PDHX: variants seen among roughly 807,000 people sequenced by gnomAD.
The protein encoded by PDHX is pyruvate dehydrogenase protein X component, mitochondrial.
Under a neutral mutation model 55.3 loss-of-function variants are expected in PDHX, and 33 were observed. That is an observed-to-expected ratio of 0.60 (90% CI 0.45 to 0.80). PDHX has a LOEUF of 0.80. PDHX is among the 30% of genes least tolerant of loss of function. PDHX has a pLI of 0.00. For synonymous variants in PDHX, 226 were observed against 219.4 expected, an observed-to-expected ratio of 1.03 and a Z score of -0.27; for missense variants, 622 against 619.9, an observed-to-expected ratio of 1.00 and a Z score of -0.04.
chr11:34,918,944 C>T (rs777408830), intron 1 of PDHX, among the ~76,000 whole-genome samples: 1 of 152,206 alleles, frequency 6.6e-6, no homozygotes, highest in African/African-American at 2.4e-5. Context: ...TACAAGGACC[C>T]TTGTGATTAC....
intron 4 of PDHX, among the ~76,000 whole-genome samples, chr11:34,959,748 A>G (rs1223412274): frequency 1.3e-5 from 2 of 152,158 alleles, no homozygotes; most frequent in East Asian, 3.8e-4. Flanking sequence ...ATTCTGATAA[A>G]TGCTGCATGG....
chr11:34,968,661 A>G (rs1422722723), intron 6 of PDHX, among the ~76,000 whole-genome samples: 2 of 152,234 alleles, frequency 1.3e-5, no homozygotes, highest in African/African-American at 4.8e-5. Flanking sequence ...CCAAATAGAA[A>G]TAATTGAATT....
intron 3 of PDHX, among the ~76,000 whole-genome samples, chr11:34,948,041 A>G (rs1447303963): frequency 3.9e-5 from 6 of 152,204 alleles, no homozygotes; most frequent in South Asian, 2.1e-4. Flanking sequence ...TTCATGTTAT[A>G]TCTAAAAAGT....
chr11:34,991,025 T>C (rs1215092503), intron 9 of PDHX, among the ~76,000 whole-genome samples: 1 of 152,186 alleles, frequency 6.6e-6, no homozygotes, highest in Non-Finnish European at 1.5e-5. Flanking sequence ...ATTTTTTATA[T>C]ATGATGACTC....
intron 7 of PDHX, among the ~76,000 whole-genome samples, chr11:34,972,402 T>C (rs1057248850): frequency 5.9e-5 from 9 of 151,930 alleles, no homozygotes; most frequent in Admixed American, 5.2e-4. Flanking sequence ...TTGATTTTTT[T>C]TTTTTTTCTT....
In PDHX at chr11:34,995,372, T is replaced by C. The variant is rs16926653; in HGVS notation, c.*200T>C. On this transcript the variant is annotated 3_prime_UTR_variant, in exon 11 of 11. Coordinates refer to ENST00000227868, the MANE Select transcript of PDHX (RefSeq NM_003477.3). ...TATAGAAATAAATGATGATAAACTC[T>C]AACTAATAAAGGAAAGAGAATATTT... The C allele has an allele frequency of 0.018, 10,016 of 561,774 alleles. 711 individuals are homozygous for C. The highest frequency in any genetic ancestry group is 0.16 in the African/African-American group (8,609 of 53,142). The allele number at this position is 561,774 out of a possible 1,614,324, so 34.8% of individuals were successfully genotyped here.
chr11:34,979,599 C>T (rs1043446943), intron 8 of PDHX, among the ~76,000 whole-genome samples: 1 of 152,062 alleles, frequency 6.6e-6, no homozygotes, highest in Non-Finnish European at 1.5e-5. Flanking sequence ...AAAAAGCATG[C>T]CCTTTCAGCA....
In PDHX at chr11:34,980,348, G is replaced by GTTTTTTTTTTTT. The variant is rs1319243948; in HGVS notation, c.1023+2169_1023+2170insTTTTTTTTTTTT. 3.2e-3 allele frequency among the ~76,000 whole-genome samples: 97 copies of GTTTTTTTTTTTT among 30,354 alleles called. 1 individual carries two copies. The highest frequency in any genetic ancestry group is 4.0e-3 in the Non-Finnish European group (54 of 13,388). 19.9% of individuals were successfully genotyped at this position (30,354 alleles called of 152,430 possible). A position where few individuals can be genotyped will look rare whatever the true frequency, so the allele number is the denominator to read the frequency against. Reference sequence around the variant, plus strand: ...ATTTTTTTTAATAAGGTTTAAGATAGTTTCTTTTTTTTTTTTTTGAGCAGC... The same window carrying GTTTTTTTTTTTT: ...ATTTTTTTTAATAAGGTTTAAGATAGTTTTTTTTTTTTTTTCTTTTTTTTTTTTTTGAGCAGC... On this transcript the variant is annotated intron_variant, in intron 8 of 10. Coordinates refer to ENST00000227868, the MANE Select transcript of PDHX (RefSeq NM_003477.3).
chr11:34,957,677 T>A (rs1392425241), intron 4 of PDHX, 94 bp downstream of exon 4: 5 of 999,204 alleles, frequency 5.0e-6, no homozygotes, highest in Non-Finnish European at 6.2e-6. Context: ...CACATCGTTG[T>A]ACATCACGTA....
intron 3 of PDHX, among the ~76,000 whole-genome samples, chr11:34,951,566 G>A (rs1264639108): frequency 6.6e-6 from 1 of 152,002 alleles, no homozygotes; most frequent in African/African-American, 2.4e-5. Context: ...TTGTAAATTT[G>A]TTTGAGTTCA....
In PDHX at chr11:34,943,154, C is replaced by T. The variant is rs551103160; in HGVS notation, c.242-4352C>T. Among the ~76,000 whole-genome samples, 990 of 152,108 alleles carry T rather than the reference C, an allele frequency of 6.5e-3. 8 individuals carry two copies. Among genetic ancestry groups the T allele is most frequent in the African/African-American group, 0.023 (944 of 41,486 alleles). On this transcript the variant is annotated intron_variant, in intron 2 of 10. Coordinates refer to ENST00000227868, the MANE Select transcript of PDHX (RefSeq NM_003477.3). ...ATGGGAATATAAAACATTTAAGTGT[C>T]CTGTCCGTATTGTGAAGAAGCTCAT... is the stretch of plus-strand genomic sequence containing the variant.
In PDHX at chr11:34,931,462, T is replaced by C; in HGVS notation, c.219T>C (p.Ile73=). The change falls in exon 2 of 11, where the codon ATT becomes ATC. Residue 73 remains isoleucine (I), a synonymous_variant. Coordinates refer to ENST00000227868, the MANE Select transcript of PDHX (RefSeq NM_003477.3). ...SLSPTMEEGN[I]VKWLKKEGEA... is the part of the protein sequence containing the mutation. ...CTCCTACAATGGAAGAAGGAAACATTGTGAAATGGCTGAAAAAGGAAGGTG... is the reference window on the plus strand; with the variant it reads ...CTCCTACAATGGAAGAAGGAAACATCGTGAAATGGCTGAAAAAGGAAGGTG... 6.2e-7 allele frequency: 1 copy of C among 1,602,684 alleles called. No individual in the cohort carries two copies. Among genetic ancestry groups the C allele is most frequent in the Non-Finnish European group, 8.5e-7 (1 of 1,170,272 alleles).
intron 5 of PDHX, among the ~76,000 whole-genome samples, chr11:34,966,404 A>G (rs568935736): frequency 1.3e-5 from 2 of 152,370 alleles, no homozygotes; most frequent in African/African-American, 4.8e-5. Context: ...AATTTTAATA[A>G]CATTTTAATT....
intron 3 of PDHX, among the ~76,000 whole-genome samples, chr11:34,953,693 G>A (rs1360664792): frequency 1.3e-5 from 2 of 152,164 alleles, no homozygotes; most frequent in Non-Finnish European, 2.9e-5. Flanking sequence ...TGATTTGGTA[G>A]CGATTATATT....
intron 8 of PDHX, among the ~76,000 whole-genome samples, chr11:34,983,598 G>A (rs536806711): frequency 0.018 from 2,641 of 144,976 alleles, 104 homozygotes; most frequent in African/African-American, 0.07. Context: ...CAATCAATGT[G>A]CAAAAATCAC....
intron 2 of PDHX, among the ~76,000 whole-genome samples, 168 bp from the exon 3 acceptor site, chr11:34,947,336 TAC>T (rs201136678): frequency 6.6e-6 from 1 of 151,120 alleles, no homozygotes; most frequent in Admixed American, 6.6e-5. Context: ...AGCATACACA[TAC>T]ACACACACAC....
chr11:34,970,773 T>A (rs1855240896), intron 7 of PDHX, among the ~76,000 whole-genome samples: 1 of 152,192 alleles, frequency 6.6e-6, no homozygotes, highest in Non-Finnish European at 1.5e-5. Context: ...ATTTTTGGAC[T>A]AGAGATGCCA....
chr11:34,931,724 T>G (rs1480009717), intron 2 of PDHX, among the ~76,000 whole-genome samples: 1 of 152,078 alleles, frequency 6.6e-6, no homozygotes, highest in African/African-American at 2.4e-5. Flanking sequence ...ATTTTAAGGC[T>G]TTTTCCCCAA....
At position 34,976,764 on chromosome 11, in the gene PDHX, A is replaced by C. The variant is rs116080456; in HGVS notation, c.965-1360A>C. Among the ~76,000 whole-genome samples, 508 of 152,322 alleles carry C rather than the reference A, an allele frequency of 3.3e-3. 4 individuals are homozygous for C. Among genetic ancestry groups the C allele is most frequent in the African/African-American group, 0.012 (490 of 41,590 alleles). Reference sequence around the variant, plus strand: ...CTAAATGTGGGAGTATGCTGAATACAGAATTTTAAGTGAGGACTGTGGACT... The same window carrying C: ...CTAAATGTGGGAGTATGCTGAATACCGAATTTTAAGTGAGGACTGTGGACT... On this transcript the variant is annotated intron_variant, in intron 7 of 10. Coordinates refer to ENST00000227868, the MANE Select transcript of PDHX (RefSeq NM_003477.3).
Sources: allele counts gnomAD v4.1 joint callset (sites outside exome capture counted in the v4.1 genomes callset), GRCh38; gene constraint gnomAD v4.1.1; transcripts MANE v1.5; gene names NCBI Gene and HGNC (gene_info 2026-07-23, HGNC 2026-07-21).